The following STRAP variants were observed in gnomAD, a reference collection of about 807,000 sequenced individuals.
The protein encoded by STRAP is serine-threonine kinase receptor-associated protein.
In STRAP, 16 loss-of-function variants were observed where a neutral mutation model predicts 47.0. The ratio of observed to expected loss-of-function variants is 0.34; its 90% CI spans 0.23 to 0.52. The LOEUF (loss-of-function observed/expected upper bound fraction) is 0.52. Among genes scored for constraint, STRAP ranks in the 20% least tolerant of loss-of-function variants. STRAP has a pLI of 0.96. For synonymous variants in STRAP, 130 were observed against 142.7 expected (o/e 0.91, Z 0.63); for missense variants, 293 against 420.0 (o/e 0.70, Z 2.64).
Position 15,894,136 on chromosome 12 carries a change from A to C in STRAP, c.493A>C (p.Thr165Pro). The C allele has an allele frequency of 6.2e-7, 1 of 1,612,096 alleles. No homozygotes were observed. Among genetic ancestry groups the C allele is most frequent in the Non-Finnish European group, 8.5e-7 (1 of 1,179,044 alleles). ...ACAGATTCTTTCTGCTGATGACAAA[A>C]CTGTTCGGTAAGTAATTTTTCTTTA... The part of the protein sequence containing the change: ...DKQILSADDK[T>P]VRLWDHATMT... Residue 165 changes from threonine (T) to proline (P), a missense_variant, in exon 5 of 10, where the codon ACT becomes CCT. By Grantham distance (38) the Thr-to-Pro change is conservative (BLOSUM62 -1). Around this residue, in one of 5 missense-constraint regions of STRAP, gnomAD observed 152 missense variants for 183.0 expected, o/e 0.83. Coordinates refer to ENST00000419869, the MANE Select transcript of STRAP (RefSeq NM_007178.4). This position sits in a 1 kb window ranked among gnomAD's most constrained non-coding sequence, Gnocchi z 4.9.
intron 4 of STRAP, among the ~76,000 whole-genome samples, chr12:15,893,668 A>C (rs1948036700): frequency 6.8e-6 from 1 of 148,058 alleles, no homozygotes; most frequent in African/African-American, 2.5e-5. Context: ...TATTATACTT[A>C]TACAATTATA....
intron 2 of STRAP, among the ~76,000 whole-genome samples, chr12:15,886,011 C>G (rs550639662): frequency 1.3e-5 from 2 of 152,018 alleles, no homozygotes; most frequent in Admixed American, 6.6e-5. Flanking sequence ...TATTTGGCCT[C>G]ATATAAGGAA....
intron 2 of STRAP, among the ~76,000 whole-genome samples, chr12:15,888,244 T>C (rs2136108648): frequency 6.6e-6 from 1 of 152,208 alleles, no homozygotes; most frequent in African/African-American, 2.4e-5. Context: ...CTTAAGAGAA[T>C]AATATAAACA....
intron 1 of STRAP, chr12:15,883,189 G>A: frequency 1.4e-6 from 2 of 1,467,366 alleles, no homozygotes; most frequent in Non-Finnish European, 1.8e-6. Flanking sequence ...TTACAAAGAC[G>A]TTCGCTCTTG....
chr12:15,894,319 C>T lies in STRAP; in HGVS notation c.500+176C>T, dbSNP rs58257178. ...ATGAAAATTACAAAACTTAGCCAAG[C>T]GCGGTGGCACACACCTATAATCCCA... On this transcript the variant is annotated intron_variant, in intron 5 of 9. Coordinates refer to ENST00000419869, the MANE Select transcript of STRAP (RefSeq NM_007178.4). The surrounding 1 kb of genome is among the most constrained non-coding windows in gnomAD (Gnocchi z 4.9). 0.066 allele frequency among the ~76,000 whole-genome samples: 10,101 copies of T among 152,144 alleles called. 1,081 individuals carry two copies. Among genetic ancestry groups the T allele is most frequent in the African/African-American group, 0.22 (9,284 of 41,444 alleles).
intron 7 of STRAP, among the ~76,000 whole-genome samples, chr12:15,899,590 T>C (rs886732237): frequency 6.6e-6 from 1 of 152,256 alleles, no homozygotes; most frequent in African/African-American, 2.4e-5. Context: ...ACTTTAAATC[T>C]ACTTTCTATA....
At chr12:15,901,491 ACTT>A (rs1159427592) in intron 9 of STRAP, among the ~76,000 whole-genome samples, 6 of 152,138 alleles carry the variant, frequency 3.9e-5, no homozygotes, top group African/African-American at 1.4e-4. Flanking sequence ...AACTAAAAGA[ACTT>A]CTCCATGCCT....
At chr12:15,901,066 C>T in intron 9 of STRAP, 54 bp downstream of exon 9, 4 of 1,373,570 alleles carry the variant, frequency 2.9e-6, no homozygotes, top group Non-Finnish European at 2.9e-6. Context: ...TAAAATTGAA[C>T]TGTAACAGAA....
At chr12:15,886,460 G>A (rs1246827201) in intron 2 of STRAP, among the ~76,000 whole-genome samples, 2 of 152,050 alleles carry the variant, frequency 1.3e-5, no homozygotes, top group African/African-American at 4.8e-5. Context: ...CTTAAATGTC[G>A]GCTTTCATAT....
At chr12:15,902,122 C>T (rs1434394949) in intron 9 of STRAP, among the ~76,000 whole-genome samples, 1 of 151,890 alleles carries the variant, frequency 6.6e-6, no homozygotes, top group Non-Finnish European at 1.5e-5. Flanking sequence ...ATTACAGGTG[C>T]ACCACCACGC....
intron 6 of STRAP, among the ~76,000 whole-genome samples, chr12:15,897,411 G>A (rs960304458): frequency 7.2e-5 from 11 of 152,122 alleles, no homozygotes; most frequent in Non-Finnish European, 1.6e-4. Context: ...GACATAGAAA[G>A]TTTATCTTGC....
intron 4 of STRAP, among the ~76,000 whole-genome samples, chr12:15,893,402 T>C (rs1002224008): frequency 2.0e-5 from 3 of 147,820 alleles, no homozygotes; most frequent in Non-Finnish European, 4.5e-5. Context: ...ATTTTATTAA[T>C]AATATAATAA....
At position 15,890,601 on chromosome 12, in the gene STRAP, G is replaced by C; in HGVS notation, c.335G>C (p.Ser112Thr). The change falls in exon 4 of 10, where the codon AGT (serine) becomes ACT (threonine). Residue 112 changes from serine to threonine, a missense_variant. Transcript: ENST00000419869. This position sits in a 1 kb window ranked among gnomAD's most constrained non-coding sequence, Gnocchi z 4.5. ...IVKTVDFTQDSNYLLTGGQDK... is the reference protein window; with the variant it reads ...IVKTVDFTQDTNYLLTGGQDK... ...CATTTTACTTTGTGTTTTCAGGATA[G>C]TAATTATTTGTTAACCGGGGGACAG... 1 of 1,609,720 alleles carries C rather than the reference G, an allele frequency of 6.2e-7. No individual in the cohort carries two copies. The highest frequency in any genetic ancestry group is 8.5e-7 in the Non-Finnish European group (1 of 1,178,302).
rs1947983322 is a variant in STRAP, at chr12:15,887,724, A to G, written c.249-2204A>G. Among the ~76,000 whole-genome samples, 1 of 152,134 alleles carries G rather than the reference A, an allele frequency of 6.6e-6. No individual in the cohort carries two copies. The highest frequency in any genetic ancestry group is 2.4e-5 in the African/African-American group (1 of 41,420). The stretch of plus-strand genomic sequence containing the variant: ...TCTAAGCAGAATCTTAAGATTTTAG[A>G]GCTGCCATGTTGGCGTTAGCCTGTA... On this transcript the variant is annotated intron_variant, in intron 2 of 9. Transcript: ENST00000419869. The surrounding 1 kb of genome is among the most constrained non-coding windows in gnomAD (Gnocchi z 5.5).
Position 15,890,634 on chromosome 12 carries a change from T to A in STRAP, c.368T>A (p.Leu123Gln). The change falls in exon 4 of 10, where the codon CTG becomes CAG. Residue 123 changes from leucine to glutamine, a missense_variant. Leu to Gln is a moderately radical substitution (Grantham distance 113). Transcript: ENST00000419869. The surrounding 1 kb of genome is among the most constrained non-coding windows in gnomAD (Gnocchi z 4.5). The part of the protein sequence containing the change: ...NYLLTGGQDK[L>Q]LRIYDLNKPE... ...TTGTTAACCGGGGGACAGGATAAAC[T>A]GTTACGCATATATGACTTGAACAAA... The A allele has an allele frequency of 2.5e-6, 4 of 1,611,822 alleles. No individual in the cohort carries two copies. Among genetic ancestry groups the A allele is most frequent in the Non-Finnish European group, 3.4e-6 (4 of 1,179,178 alleles).
Position 15,894,081 on chromosome 12 carries a change from A to G in STRAP, c.438A>G (p.Ile146Met), listed in dbSNP as rs1260383167. The G allele has an allele frequency of 1.2e-6, 2 of 1,610,710 alleles. No individual in the cohort carries two copies. Among genetic ancestry groups the G allele is most frequent in the African/African-American group, 1.3e-5 (1 of 74,834 alleles). The change falls in exon 5 of 10, where the codon ATA (isoleucine) becomes ATG (methionine). Residue 146 changes from isoleucine (I) to methionine (M), a missense_variant. Physicochemically the swap from Ile to Met is conservative, Grantham distance 10. This residue lies in a region of STRAP where 152 missense variants were observed against 183.0 expected (regional missense o/e 0.83). Coordinates refer to ENST00000419869, the MANE Select transcript of STRAP (RefSeq NM_007178.4). The surrounding 1 kb of genome is among the most constrained non-coding windows in gnomAD (Gnocchi z 4.9). ...PKEISGHTSG[I>M]KKALWCSEDK... ...AAATTAGTGGTCATACTTCTGGTATAAAAAAAGCTCTGTGGTGCAGTGAGG... is the reference window on the plus strand; with the variant it reads ...AAATTAGTGGTCATACTTCTGGTATGAAAAAAGCTCTGTGGTGCAGTGAGG...
chr12:15,901,124 A>T, intron 9 of STRAP, 112 bp downstream of exon 9: 1 of 726,504 alleles, frequency 1.4e-6, no homozygotes, highest in Non-Finnish European at 2.1e-6. Context: ...ACATATTTAA[A>T]TAATGGAAAC....
At chr12:15,898,088 T>TA in intron 7 of STRAP, 70 bp downstream of exon 7, 9 of 1,197,088 alleles carry the variant, frequency 7.5e-6, no homozygotes, top group East Asian at 3.0e-5. Flanking sequence ...AACACCTCAT[T>TA]TATATATATA....
chr12:15,901,141 T>C, intron 9 of STRAP, 129 bp downstream of exon 9: 1 of 597,608 alleles, frequency 1.7e-6, no homozygotes, highest in South Asian at 3.6e-5. Context: ...AAACTTTAAA[T>C]ATTTATGCAT....
Sources: gnomAD v4.1 joint callset for allele counts (sites outside exome capture counted in the v4.1 genomes callset) on GRCh38, gnomAD v4.1.1 for gene constraint, gnomAD v4.1.1 regional missense constraint, Gnocchi (gnomAD v3.1) non-coding constraint, MANE v1.5 for transcripts, NCBI Gene and HGNC (gene_info 2026-07-23, HGNC 2026-07-21) for gene names.